NEGR1: variants seen among roughly 807,000 people sequenced by gnomAD.
The protein encoded by NEGR1 is IgLON family member 4.
NEGR1 carries 10 observed loss-of-function variants against 40.9 expected under a neutral mutation model. The ratio of observed to expected loss-of-function variants is 0.24; its 90% CI spans 0.15 to 0.42. The LOEUF (loss-of-function observed/expected upper bound fraction) is 0.42. Among genes scored for constraint, NEGR1 ranks in the 10% least tolerant of loss-of-function variants. NEGR1 has a pLI of 1.00. For synonymous variants in NEGR1, 185 were observed against 166.8 expected (o/e 1.11, Z -0.84); for missense variants, 352 against 438.9 (o/e 0.80, Z 1.77).
At chr1:71,950,735 G>C (rs1430777981) in intron 1 of NEGR1, among the ~76,000 whole-genome samples, 1 of 151,928 alleles carries the variant, frequency 6.6e-6, no homozygotes, top group Non-Finnish European at 1.5e-5. Flanking sequence ...CTTTTATTCT[G>C]TTACCAATAT....
At chr1:72,081,666 G>A (rs1206235284) in intron 1 of NEGR1, among the ~76,000 whole-genome samples, 1 of 152,022 alleles carries the variant, frequency 6.6e-6, no homozygotes. Flanking sequence ...TTGAATGAAT[G>A]AATAAATGAA....
chr1:72,109,949 A>C (rs1427576505), intron 1 of NEGR1, among the ~76,000 whole-genome samples: 2 of 151,718 alleles, frequency 1.3e-5, no homozygotes, highest in Non-Finnish European at 3.0e-5. Flanking sequence ...GATAACAGAA[A>C]GAAAGCACAG....
chr1:72,180,032 C>T (rs917406340), intron 1 of NEGR1, among the ~76,000 whole-genome samples: 3 of 151,882 alleles, frequency 2.0e-5, no homozygotes, highest in Admixed American at 6.6e-5. Context: ...GAAAAAAATC[C>T]TAAAATTTGC....
At chr1:71,560,460 T>TATATATATATATATATATATATATA (rs1198448626) in intron 6 of NEGR1, among the ~76,000 whole-genome samples, 32 of 143,232 alleles carry the variant, frequency 2.2e-4, no homozygotes, top group Non-Finnish European at 3.5e-4. Flanking sequence ...TATATATATA[T>TATATATATATATATATATATATATA]TTCCAATTAA....
At chr1:71,726,800 A>G (rs1043368357) in intron 3 of NEGR1, among the ~76,000 whole-genome samples, 1 of 152,078 alleles carries the variant, frequency 6.6e-6, no homozygotes, top group Non-Finnish European at 1.5e-5. Context: ...CTTGGACAAG[A>G]CAGAGTAGAG....
chr1:72,114,205 CT>C (rs1649493942), intron 1 of NEGR1, among the ~76,000 whole-genome samples: 1 of 151,450 alleles, frequency 6.6e-6, no homozygotes, highest in Non-Finnish European at 1.5e-5. Context: ...AATCAGGAGA[CT>C]TTAAGTAAAG....
At chr1:72,026,728 G>T (rs1428528215) in intron 1 of NEGR1, among the ~76,000 whole-genome samples, 1 of 151,740 alleles carries the variant, frequency 6.6e-6, no homozygotes, top group African/African-American at 2.4e-5. Flanking sequence ...TCATTGACTT[G>T]GTTTATGCTG....
chr1:71,964,956 A>G (rs935684708), intron 1 of NEGR1, among the ~76,000 whole-genome samples: 12 of 152,098 alleles, frequency 7.9e-5, no homozygotes, highest in African/African-American at 2.9e-4. Flanking sequence ...TCCAGATGAT[A>G]ATCAATAATT....
intron 6 of NEGR1, chr1:71,468,409 A>G (rs919099267): frequency 1.3e-5 from 2 of 152,038 alleles, no homozygotes; most frequent in African/African-American, 4.8e-5. Flanking sequence ...AGTTGAATTG[A>G]TGAAAAGAAT....
At chr1:72,054,983 G>A (rs868510457) in intron 1 of NEGR1, among the ~76,000 whole-genome samples, 14 of 150,912 alleles carry the variant, frequency 9.3e-5, no homozygotes, top group South Asian at 2.1e-4. Context: ...TATAGTACTC[G>A]AATAATAATA....
chr1:71,826,272 C>G (rs761367402), intron 2 of NEGR1, among the ~76,000 whole-genome samples: 1 of 151,904 alleles, frequency 6.6e-6, no homozygotes, highest in Admixed American at 6.6e-5. Context: ...AACTATGAAT[C>G]TATATATCTC....
intron 1 of NEGR1, chr1:72,275,096 A>C: frequency 2.3e-6 from 2 of 880,924 alleles, no homozygotes; most frequent in Non-Finnish European, 3.9e-6. Flanking sequence ...CTGATACCGA[A>C]AGACTTGGGA....
Position 71,759,104 on chromosome 1 carries a change from A to AAT in NEGR1, c.535+17066_535+17067dup, listed in dbSNP as rs1435548142. 3.3e-5 allele frequency among the ~76,000 whole-genome samples: 5 copies of AAT among 152,222 alleles called. No individual in the cohort carries two copies. In the East Asian group the frequency reaches 7.7e-4, roughly 24 times the overall value. On this transcript the variant is annotated intron_variant, in intron 3 of 6. Coordinates refer to ENST00000357731, the MANE Select transcript of NEGR1 (RefSeq NM_173808.3). ...GGGCTATACTAAGTGCTGAATAAAT[A>AAT]ATACTTAATGTAAGTATTAGATGGA...
At chr1:71,457,368 A>G (rs1246328454) in intron 6 of NEGR1, among the ~76,000 whole-genome samples, 2 of 152,256 alleles carry the variant, frequency 1.3e-5, no homozygotes, top group African/African-American at 4.8e-5. Context: ...TCAATTTTCA[A>G]TATTTTCCCT....
At chr1:71,640,083 A>G (rs1048373117) in intron 4 of NEGR1, among the ~76,000 whole-genome samples, 1 of 152,022 alleles carries the variant, frequency 6.6e-6, no homozygotes, top group Non-Finnish European at 1.5e-5. Flanking sequence ...AATGTTCTCT[A>G]TTATTCTCTA....
At position 72,242,356 on chromosome 1, in the gene NEGR1, T is replaced by C. The variant is rs191684985; in HGVS notation, c.176+39963A>G. Among the ~76,000 whole-genome samples, 645 of 151,652 alleles carry C rather than the reference T, an allele frequency of 4.3e-3. 6 individuals carry two copies. The highest frequency in any genetic ancestry group is 5.0e-3 in the Non-Finnish European group (340 of 67,714). On this transcript the variant is annotated intron_variant, in intron 1 of 6. Coordinates refer to ENST00000357731, the MANE Select transcript of NEGR1 (RefSeq NM_173808.3). ...TAATTTTTGCATGTATATGTGTGTG[T>C]CTGTGTATATTTCATTTTATTTTCA...
intron 2 of NEGR1, among the ~76,000 whole-genome samples, chr1:71,902,169 C>T (rs944158611): frequency 2.0e-5 from 3 of 152,096 alleles, no homozygotes; most frequent in African/African-American, 7.2e-5. Context: ...TGAAGTGGCA[C>T]ACATAAATTT....
intron 3 of NEGR1, among the ~76,000 whole-genome samples, chr1:71,750,314 T>C (rs1655529268): frequency 6.6e-6 from 1 of 152,182 alleles, no homozygotes; most frequent in African/African-American, 2.4e-5. Flanking sequence ...TTTTGGACGA[T>C]AAGCCACTGT....
intron 1 of NEGR1, among the ~76,000 whole-genome samples, chr1:72,222,855 A>C (rs939308017): frequency 3.9e-5 from 6 of 152,186 alleles, no homozygotes; most frequent in African/African-American, 1.4e-4. Flanking sequence ...CAACAATCCC[A>C]GTTGTTCCAG....
Sources: allele counts gnomAD v4.1 joint callset (sites outside exome capture counted in the v4.1 genomes callset), GRCh38; gene constraint gnomAD v4.1.1; transcripts MANE v1.5; gene names NCBI Gene and HGNC (gene_info 2026-07-23, HGNC 2026-07-21).